C3orf33: variants seen among roughly 807,000 people sequenced by gnomAD.
The protein encoded by C3orf33 is AP-1 activity suppressor.
C3orf33 carries 23 observed loss-of-function variants against 28.7 expected under a neutral mutation model. The observed-to-expected ratio is 0.80, with a 90% CI of 0.58 to 1.13. The LOEUF (loss-of-function observed/expected upper bound fraction) is 1.13. Ranked by LOEUF, C3orf33 falls within the 50% of genes most tolerant of loss-of-function variation. The probability of loss-of-function intolerance (pLI) is 0.00; values close to 1 mark genes in which losing one functional copy is unlikely to be tolerated. For synonymous variants in C3orf33, 119 were observed against 120.5 expected, an observed-to-expected ratio of 0.99 and a Z score of 0.08; for missense variants, 327 against 353.4, an observed-to-expected ratio of 0.93 and a Z score of 0.60.
chr3:155,806,134 A>G lies in C3orf33; in HGVS notation c.114+5T>C. The stretch of plus-strand genomic sequence containing the variant: ...CCACCCGCCCAGACTGCGTGGCCCC[A>G]GTACCCGGACTAGGCGCAGGTGGTC... On this transcript the variant is annotated splice_donor_5th_base_variant and intron_variant, in intron 1 of 4. Coordinates refer to ENST00000340171, the MANE Select transcript of C3orf33 (RefSeq NM_001308229.2). The G allele has an allele frequency of 6.9e-7, 1 of 1,447,970 alleles. No individual in the cohort carries two copies. Among genetic ancestry groups the G allele is most frequent in the Non-Finnish European group, 9.2e-7 (1 of 1,089,728 alleles). The allele number at this position is 1,447,970 out of a possible 1,614,324, so 89.7% of individuals were successfully genotyped here. A position where few individuals can be genotyped will look rare whatever the true frequency, so the allele number is the denominator to read the frequency against.
intron 2 of C3orf33, among the ~76,000 whole-genome samples, chr3:155,790,114 A>T (rs569336785): frequency 1.1e-4 from 16 of 140,618 alleles, no homozygotes; most frequent in South Asian, 2.4e-4. Flanking sequence ...CAGTGAGCCG[A>T]GATCATACAA....
chr3:155,787,501 G>A (rs560238567), intron 2 of C3orf33, among the ~76,000 whole-genome samples: 6 of 151,880 alleles, frequency 4.0e-5, no homozygotes, highest in East Asian at 3.9e-4. Flanking sequence ...ACAGGTGCAC[G>A]CTGCCATGCC....
intron 2 of C3orf33, among the ~76,000 whole-genome samples, chr3:155,787,641 T>A (rs1751167085): frequency 6.6e-6 from 1 of 151,124 alleles, no homozygotes; most frequent in Non-Finnish European, 1.5e-5. Flanking sequence ...CGTGAGCCAC[T>A]GTGCCCAGCC....
chr3:155,772,436 T>C (rs986691006), intron 3 of C3orf33, among the ~76,000 whole-genome samples: 12 of 152,112 alleles, frequency 7.9e-5, no homozygotes, highest in African/African-American at 2.7e-4. Context: ...TTTAGAGAGA[T>C]AGGATATAAT....
intron 2 of C3orf33, among the ~76,000 whole-genome samples, chr3:155,779,361 C>G (rs949049468): frequency 1.3e-5 from 2 of 152,060 alleles, no homozygotes; most frequent in African/African-American, 4.8e-5. Context: ...GTGGCATGAT[C>G]TCGGCTCACT....
intron 3 of C3orf33, 126 bp from the exon 4 acceptor site, chr3:155,767,795 C>A: frequency 1.8e-6 from 1 of 543,796 alleles, no homozygotes; most frequent in Non-Finnish European, 3.0e-6. Flanking sequence ...GTCTCTCTAA[C>A]TGTAGACCCA....
At chr3:155,775,980 A>G in intron 2 of C3orf33, 132 bp from the exon 3 acceptor site, 1 of 605,526 alleles carries the variant, frequency 1.7e-6, no homozygotes, top group Non-Finnish European at 2.8e-6. Flanking sequence ...TCCTAATTTT[A>G]TATTACTTTA....
chr3:155,799,687 CAAAAAAG>C (rs951330705), intron 2 of C3orf33, among the ~76,000 whole-genome samples: 1 of 151,320 alleles, frequency 6.6e-6, no homozygotes, highest in African/African-American at 2.4e-5. Flanking sequence ...GACCTTGTCT[CAAAAAAG>C]AAAAAAGAAA....
intron 2 of C3orf33, among the ~76,000 whole-genome samples, chr3:155,801,672 A>G (rs1442974555): frequency 6.6e-6 from 1 of 152,182 alleles, no homozygotes; most frequent in African/African-American, 2.4e-5. Context: ...AATGGTCAAA[A>G]TCATGGAGAC....
At chr3:155,786,140 AGAAGG>A (rs1200330990) in intron 2 of C3orf33, among the ~76,000 whole-genome samples, 1 of 151,624 alleles carries the variant, frequency 6.6e-6, no homozygotes, top group African/African-American at 2.4e-5. Flanking sequence ...AAGGGGAGGG[AGAAGG>A]GAAGGGAAAG....
intron 3 of C3orf33, among the ~76,000 whole-genome samples, chr3:155,770,788 G>A (rs535227345): frequency 5.5e-4 from 83 of 152,006 alleles, no homozygotes; most frequent in African/African-American, 2.0e-3. Flanking sequence ...AGCCTCCTGA[G>A]TAGCTGGAAT....
chr3:155,789,085 G>A (rs562537789), intron 2 of C3orf33, among the ~76,000 whole-genome samples: 9 of 152,108 alleles, frequency 5.9e-5, no homozygotes, highest in Non-Finnish European at 8.8e-5. Context: ...GGTGGCTCAC[G>A]CCTGTAATCC....
intron 3 of C3orf33, among the ~76,000 whole-genome samples, chr3:155,768,012 T>C (rs1433047215): frequency 1.3e-5 from 2 of 152,134 alleles, no homozygotes; most frequent in East Asian, 1.9e-4. Flanking sequence ...CCTGAGTAGC[T>C]GGGATTACAG....
At chr3:155,799,192 G>A (rs570724439) in intron 2 of C3orf33, among the ~76,000 whole-genome samples, 31 of 152,272 alleles carry the variant, frequency 2.0e-4, no homozygotes, top group Non-Finnish European at 3.2e-4. Context: ...TATTACAACC[G>A]TTATGGAGAA....
intron 4 of C3orf33, among the ~76,000 whole-genome samples, chr3:155,764,493 T>C (rs1750333556): frequency 6.6e-6 from 1 of 152,100 alleles, no homozygotes; most frequent in East Asian, 1.9e-4. Flanking sequence ...ATTTTATTCA[T>C]GGAATACCTC....
intron 3 of C3orf33, among the ~76,000 whole-genome samples, chr3:155,772,057 T>A (rs1226749281): frequency 1.3e-5 from 2 of 152,168 alleles, no homozygotes; most frequent in East Asian, 3.9e-4. Flanking sequence ...AACTTAAAAA[T>A]TAGTGGACAT....
chr3:155,767,592 C>G lies in C3orf33; in HGVS notation c.400G>C (p.Glu134Gln), dbSNP rs765123303. The G allele has an allele frequency of 3.8e-6, 6 of 1,597,032 alleles. No individual in the cohort carries two copies. The South Asian group carries it at 4.5e-5, about 12-fold the overall frequency. The change falls in exon 4 of 5, where the codon GAG (glutamate) becomes CAG (glutamine). Residue 134 changes from glutamate (E) to glutamine (Q), a missense_variant. Coordinates refer to ENST00000340171, the MANE Select transcript of C3orf33 (RefSeq NM_001308229.2). The part of the protein sequence containing the change: ...AETGKAWLQK[E>Q]LKPSQLLWFQ... Reference sequence around the variant, plus strand: ...CATAGTAATTGGGAAGGTTTTAGCTCTTTTTGTAACCATGCCTTCCCAGTT... The same window carrying G: ...CATAGTAATTGGGAAGGTTTTAGCTGTTTTTGTAACCATGCCTTCCCAGTT...
In C3orf33 at chr3:155,786,214, TG is replaced by T. The variant is rs201604374; in HGVS notation, c.175-10367del. Among the ~76,000 whole-genome samples, 448 of 150,700 alleles carry T rather than the reference TG, an allele frequency of 3.0e-3. 2 individuals are homozygous for T. Among genetic ancestry groups the T allele is most frequent in the African/African-American group, 0.01 (415 of 40,974 alleles). On this transcript the variant is annotated intron_variant, in intron 2 of 4. Coordinates refer to ENST00000340171, the MANE Select transcript of C3orf33 (RefSeq NM_001308229.2). ...AACCTAACTTTATAATTTAAGGAAA[TG>T]GGGGGAAAAGGCCACACTAAACCCA...
chr3:155,802,928 T>C (rs404570), intron 1 of C3orf33, among the ~76,000 whole-genome samples: 34,878 of 152,024 alleles, frequency 0.23, 4,242 homozygotes, highest in East Asian at 0.37. Flanking sequence ...TATATGTATA[T>C]AGTATTGGAT....
Sources: gnomAD v4.1 joint callset for allele counts (sites outside exome capture counted in the v4.1 genomes callset) on GRCh38, gnomAD v4.1.1 for gene constraint, MANE v1.5 for transcripts, NCBI Gene and HGNC (gene_info 2026-07-23, HGNC 2026-07-21) for gene names.